Variants in PRSS50 observed in about 807,000 individuals in gnomAD.
PRSS50 encodes the protein probable threonine protease PRSS50.
Under a neutral mutation model 34.2 loss-of-function variants are expected in PRSS50, and 23 were observed. The ratio of observed to expected loss-of-function variants is 0.67; its 90% CI spans 0.48 to 0.95. PRSS50 has a LOEUF of 0.95. Among genes scored for constraint, PRSS50 ranks in the 40% least tolerant of loss-of-function variants. PRSS50 has a pLI of 0.00. For synonymous variants in PRSS50, 224 were observed against 211.2 expected (o/e 1.06, Z -0.53); for missense variants, 484 against 513.4 (o/e 0.94, Z 0.55).
At position 46,713,102 on chromosome 3, in the gene PRSS50, C is replaced by T. The variant is rs545614944; in HGVS notation, c.755-35G>A. Reference sequence around the variant, plus strand: ...AGGGCCCCATTTAGGCGCAGCCACTCACCGCTGCCCACTACCGCCAGCCTC... The same window carrying T: ...AGGGCCCCATTTAGGCGCAGCCACTTACCGCTGCCCACTACCGCCAGCCTC... On this transcript the variant is annotated intron_variant, in intron 4 of 5. Coordinates refer to ENST00000315170, the MANE Select transcript of PRSS50 (RefSeq NM_013270.5). 5.6e-6 allele frequency: 9 copies of T among 1,606,552 alleles called. No homozygotes were observed. The South Asian group carries it at 7.8e-5, about 14-fold the overall frequency.
rs1700669580 is a variant in PRSS50, at chr3:46,715,544, C to T, written c.461G>A (p.Cys154Tyr). 1.9e-6 allele frequency: 3 copies of T among 1,612,440 alleles called. No individual in the cohort carries two copies. The change falls in exon 3 of 6, where the codon TGC becomes TAC. Residue 154 changes from cysteine (C) to tyrosine (Y), a missense_variant. Cys to Tyr is a radical substitution (Grantham distance 194). Coordinates refer to ENST00000315170, the MANE Select transcript of PRSS50 (RefSeq NM_013270.5). This position sits in a 1 kb window ranked among gnomAD's most constrained non-coding sequence, Gnocchi z 5.2. ...ASQWVLTVAH[C>Y]LIWRDVIYSV... is the part of the protein sequence containing the mutation. ...CTCAGCCTTGACTCACCAGATCAGG[C>T]AGTGGGCCACAGTCAGCACCCACTG...
chr3:46,717,394 G>A lies in PRSS50; in HGVS notation c.307+43C>T, dbSNP rs1258548736. On this transcript the variant is annotated intron_variant, in intron 2 of 5. Transcript: ENST00000315170. The surrounding 1 kb of genome is among the most constrained non-coding windows in gnomAD (Gnocchi z 4.5). Reference sequence around the variant, plus strand: ...CAGCCAAGGTCCTTAAGACTCCTCTGTCACCCTCCTTGCCCCACGGAGTCT... The same window carrying A: ...CAGCCAAGGTCCTTAAGACTCCTCTATCACCCTCCTTGCCCCACGGAGTCT... 1.9e-6 allele frequency: 3 copies of A among 1,602,820 alleles called. No homozygotes were observed. In the Admixed American group the frequency reaches 5.0e-5, roughly 27 times the overall value.
In PRSS50 at chr3:46,715,529, A is replaced by T; in HGVS notation, c.470+6T>A. 6.2e-7 allele frequency: 1 copy of T among 1,608,892 alleles called. No homozygotes were observed. Among genetic ancestry groups the T allele is most frequent in the Non-Finnish European group, 8.5e-7 (1 of 1,175,942 alleles). On this transcript the variant is annotated splice_donor_region_variant and intron_variant, in intron 3 of 5. Transcript: ENST00000315170. The surrounding 1 kb of genome is among the most constrained non-coding windows in gnomAD (Gnocchi z 5.2). ...CTCCACCCACCCCACCTCAGCCTTG[A>T]CTCACCAGATCAGGCAGTGGGCCAC...
rs752704546 is a variant in PRSS50 at position 46,712,237 on chromosome 3, C to T, written c.*9G>A. The T allele has an allele frequency of 4.1e-5, 65 of 1,598,370 alleles. No homozygotes were observed. Among genetic ancestry groups the T allele is most frequent in the Non-Finnish European group, 5.0e-5 (58 of 1,171,592 alleles). On this transcript the variant is annotated 3_prime_UTR_variant, in exon 6 of 6. Transcript: ENST00000315170. The stretch of plus-strand genomic sequence containing the variant: ...AGGGGGGCCCACAAGTGAGGGAGGG[C>T]ACACAGAGTCAGAGGGCAGCAAGGA...
At chr3:46,714,116 TG>T (rs1044210272) in intron 4 of PRSS50, 101 bp downstream of exon 4, 20 of 1,448,012 alleles carry the variant, frequency 1.4e-5, no homozygotes, top group Non-Finnish European at 1.8e-5. Flanking sequence ...GCAGGCTCCC[TG>T]GGGAAGGTGC....
chr3:46,713,586 C>T (rs746903810), intron 4 of PRSS50, among the ~76,000 whole-genome samples: 2 of 152,254 alleles, frequency 1.3e-5, no homozygotes, highest in Non-Finnish European at 2.9e-5. Context: ...TGGGCTGAAG[C>T]CCCCTTGAGC....
chr3:46,714,494 C>G lies in PRSS50; in HGVS notation c.478G>C (p.Val160Leu). Residue 160 changes from valine (V) to leucine (L), a missense_variant, in exon 4 of 6, where the codon GTT becomes CTT. Coordinates refer to ENST00000315170, the MANE Select transcript of PRSS50 (RefSeq NM_013270.5). The stretch of plus-strand genomic sequence containing the variant: ...CTCCCCACCCTCACTGAGTAGATAA[C>G]ATCACGCCTAGGGGGGCCGTGAGGG... The part of the protein sequence containing the change: ...TVAHCLIWRD[V>L]IYSVRVGSPW... 2 of 1,591,754 alleles carry G rather than the reference C, an allele frequency of 1.3e-6. No individual in the cohort carries two copies. The highest frequency in any genetic ancestry group is 4.5e-5 in the East Asian group (2 of 44,114).
chr3:46,713,459 C>T (rs1043767411), intron 4 of PRSS50, among the ~76,000 whole-genome samples: 6 of 152,252 alleles, frequency 3.9e-5, no homozygotes, highest in Admixed American at 1.3e-4. Context: ...GGAGGCCAGG[C>T]ACTGCTTCTT....
rs751240487 is a variant in PRSS50 at position 46,717,500 on chromosome 3, G to A, written c.244C>T (p.Leu82=). The change falls in exon 2 of 6, where the codon CTG becomes TTG. Residue 82 remains leucine (L), a synonymous_variant. Coordinates refer to ENST00000315170, the MANE Select transcript of PRSS50 (RefSeq NM_013270.5). The surrounding 1 kb of genome is among the most constrained non-coding windows in gnomAD (Gnocchi z 4.5). ...TGGGTCTCCATGGTGGTCGAGGGCA[G>A]TGTCTGGGTGGTCGGGGTCTGCCAG... ...LLWQTPTTQT[L]PSTTMETQFP... The A allele has an allele frequency of 1.9e-6, 3 of 1,613,952 alleles. No homozygotes were observed. The highest frequency in any genetic ancestry group is 3.3e-4 in the Middle Eastern group (2 of 6,062).
rs2106795158 is a variant in PRSS50, at chr3:46,715,456, C to G, written c.470+79G>C. 6.5e-7 allele frequency: 1 copy of G among 1,541,254 alleles called. No homozygotes were observed. Among genetic ancestry groups the G allele is most frequent in the East Asian group, 2.3e-5 (1 of 43,642 alleles). On this transcript the variant is annotated intron_variant, in intron 3 of 5. Coordinates refer to ENST00000315170, the MANE Select transcript of PRSS50 (RefSeq NM_013270.5). The surrounding 1 kb of genome is among the most constrained non-coding windows in gnomAD (Gnocchi z 5.2). ...TGGGGCTGGGACTGTGGGCCCAGAA[C>G]AGCTGGCAGGGAGGGGATGACTGGG...
At position 46,712,137 on chromosome 3, in the gene PRSS50, A is replaced by T; in HGVS notation, c.*109T>A. On this transcript the variant is annotated 3_prime_UTR_variant, in exon 6 of 6. Transcript: ENST00000315170. The stretch of plus-strand genomic sequence containing the variant: ...GGAGGCATGGAAAACAGTAATGTTT[A>T]ATTGAGCACCTCATCTCCACCCTGA... 1 of 977,720 alleles carries T rather than the reference A, an allele frequency of 1.0e-6. No individual in the cohort carries two copies. The highest frequency in any genetic ancestry group is 1.5e-6 in the Non-Finnish European group (1 of 660,766). 60.6% of individuals were successfully genotyped at this position (977,720 alleles called of 1,614,324 possible). A position where few individuals can be genotyped will look rare whatever the true frequency, so the allele number is the denominator to read the frequency against.
chr3:46,712,242 A>G lies in PRSS50; in HGVS notation c.*4T>C, dbSNP rs2106791494. ...GGCCCACAAGTGAGGGAGGGCACAC[A>G]GAGTCAGAGGGCAGCAAGGAGGCTG... On this transcript the variant is annotated 3_prime_UTR_variant, in exon 6 of 6. Transcript: ENST00000315170. The G allele has an allele frequency of 6.2e-7, 1 of 1,602,244 alleles. No homozygotes were observed. Among genetic ancestry groups the G allele is most frequent in the Non-Finnish European group, 8.5e-7 (1 of 1,173,844 alleles).
intron 4 of PRSS50, among the ~76,000 whole-genome samples, chr3:46,713,691 C>A (rs1402262208): frequency 6.6e-6 from 1 of 152,236 alleles, no homozygotes; most frequent in Non-Finnish European, 1.5e-5. Context: ...GTTCTAGGGT[C>A]CCCTGGATGT....
chr3:46,714,126 G>T (rs889231215), intron 4 of PRSS50, 92 bp downstream of exon 4: 2 of 1,482,128 alleles, frequency 1.3e-6, no homozygotes, highest in African/African-American at 1.4e-5. Context: ...TGGGGAAGGT[G>T]CCTCAGAAAC....
intron 4 of PRSS50, among the ~76,000 whole-genome samples, 171 bp downstream of exon 4, chr3:46,714,047 G>T (rs1486185298): frequency 6.6e-6 from 1 of 152,210 alleles, no homozygotes; most frequent in Non-Finnish European, 1.5e-5. Context: ...TTCCCCACGA[G>T]ATCCTCAAGG....
Position 46,717,337 on chromosome 3 carries a change from G to A in PRSS50, c.307+100C>T, listed in dbSNP as rs894712747. ...GTAGAAGGAGGCGCTCCTCTATCCT[G>A]CTCGCCCCCGTCCCTTCTGCTCCCC... is the stretch of plus-strand genomic sequence containing the variant. On this transcript the variant is annotated intron_variant, in intron 2 of 5. Coordinates refer to ENST00000315170, the MANE Select transcript of PRSS50 (RefSeq NM_013270.5). This position sits in a 1 kb window ranked among gnomAD's most constrained non-coding sequence, Gnocchi z 4.5. The A allele has an allele frequency of 1.6e-5, 21 of 1,351,736 alleles. No homozygotes were observed. The highest frequency in any genetic ancestry group is 2.0e-5 in the Non-Finnish European group (19 of 970,442). The allele number at this position is 1,351,736 out of a possible 1,614,324, so 83.7% of individuals were successfully genotyped here. A position where few individuals can be genotyped will look rare whatever the true frequency, so the allele number is the denominator to read the frequency against.
rs562906618 is a variant in PRSS50 at position 46,716,676 on chromosome 3, C to T, written c.307+761G>A. On this transcript the variant is annotated intron_variant, in intron 2 of 5. Transcript: ENST00000315170. The surrounding 1 kb of genome is among the most constrained non-coding windows in gnomAD (Gnocchi z 4.4). ...GAGGATTATCACCCAGAATGCCTACCCACGGCTGGTGGGAGTGCTCACTGC... is the reference window on the plus strand; with the variant it reads ...GAGGATTATCACCCAGAATGCCTACTCACGGCTGGTGGGAGTGCTCACTGC... Among the ~76,000 whole-genome samples, 1 of 152,300 alleles carries T rather than the reference C, an allele frequency of 6.6e-6. No homozygotes were observed. The highest frequency in any genetic ancestry group is 2.1e-4 in the South Asian group (1 of 4,824).
chr3:46,715,675 C>T lies in PRSS50; in HGVS notation c.330G>A (p.Gln110=). The T allele has an allele frequency of 6.2e-7, 1 of 1,606,788 alleles. No individual in the cohort carries two copies. Among genetic ancestry groups the T allele is most frequent in the South Asian group, 1.1e-5 (1 of 90,002 alleles). The change falls in exon 3 of 6, where the codon CAG becomes CAA. Residue 110 remains glutamine (Q), a synonymous_variant. Coordinates refer to ENST00000315170, the MANE Select transcript of PRSS50 (RefSeq NM_013270.5). This position sits in a 1 kb window ranked among gnomAD's most constrained non-coding sequence, Gnocchi z 5.2. ...CTTCTGGGTCCCTGAGGGTGGGGTC[C>T]TGCTCGTAGGAAAAGCCACAGGCTG... is the stretch of plus-strand genomic sequence containing the variant. The part of the protein sequence containing the change: ...PYRSCGFSYE[Q]DPTLRDPEAV...
In PRSS50 at chr3:46,714,426, C is replaced by A; in HGVS notation, c.546G>T (p.Pro182=). Residue 182 remains proline (P), a synonymous_variant, in exon 4 of 6, where the codon CCG becomes CCT. Coordinates refer to ENST00000315170, the MANE Select transcript of PRSS50 (RefSeq NM_013270.5). ...TGCTATGCATGATGACCTGGAGCAC[C>A]GGGACATCGGAGGCGGTCTGCGTCA... ...DQMTQTASDV[P]VLQVIMHSRY... The A allele has an allele frequency of 6.2e-7, 1 of 1,612,038 alleles. No homozygotes were observed. Among genetic ancestry groups the A allele is most frequent in the Non-Finnish European group, 8.5e-7 (1 of 1,179,218 alleles).
Sources: gnomAD v4.1 joint callset for allele counts (sites outside exome capture counted in the v4.1 genomes callset) on GRCh38, gnomAD v4.1.1 for gene constraint, Gnocchi (gnomAD v3.1) non-coding constraint, MANE v1.5 for transcripts, NCBI Gene and HGNC (gene_info 2026-07-23, HGNC 2026-07-21) for gene names.